The following RALGPS1 variants were observed in gnomAD, a reference collection of about 807,000 sequenced individuals.
RALGPS1 encodes the protein Ral GEF with PH domain and SH3 binding motif 1.
In RALGPS1, 19 loss-of-function variants were observed where a neutral mutation model predicts 78.8. The ratio of observed to expected loss-of-function variants is 0.24; its 90% confidence interval spans 0.17 to 0.35. The LOEUF is 0.35. Ranked by LOEUF, RALGPS1 falls within the 10% of genes least tolerant of loss-of-function variation. The probability of loss-of-function intolerance (pLI) is 1.00; values close to 1 mark genes in which losing one functional copy is unlikely to be tolerated. For missense variants in RALGPS1, 454 were observed against 688.3 expected, an observed-to-expected ratio of 0.66 and a Z score of 3.81; for synonymous variants, 228 against 256.3, an observed-to-expected ratio of 0.89 and a Z score of 1.06.
chr9:127,094,875 T>C (rs2052925931), intron 8 of RALGPS1, among the ~76,000 whole-genome samples: 1 of 152,160 alleles, frequency 6.6e-6, no homozygotes, highest in Non-Finnish European at 1.5e-5. Context: ...ATACCACTGG[T>C]CTTTTAGCCC....
At chr9:126,986,007 T>C (rs976118072) in intron 4 of RALGPS1, among the ~76,000 whole-genome samples, 1 of 152,266 alleles carries the variant, frequency 6.6e-6, no homozygotes. Context: ...TCTTGTTTTG[T>C]GGTGTAACCA....
intron 4 of RALGPS1, among the ~76,000 whole-genome samples, chr9:127,034,201 A>G (rs1353510566): frequency 6.6e-6 from 1 of 152,186 alleles, no homozygotes; most frequent in African/African-American, 2.4e-5. Context: ...ATCCTGGGAA[A>G]CATGGCCAGA....
intron 8 of RALGPS1, among the ~76,000 whole-genome samples, chr9:127,124,376 C>T (rs2056444084): frequency 2.0e-5 from 3 of 152,324 alleles, no homozygotes; most frequent in South Asian, 4.1e-4. Flanking sequence ...GCCGCAGACA[C>T]GTGAGCAAGG....
intron 11 of RALGPS1, among the ~76,000 whole-genome samples, chr9:127,187,529 GCATTA>G (rs1384515122): frequency 3.3e-5 from 5 of 152,188 alleles, no homozygotes; most frequent in African/African-American, 1.2e-4. Flanking sequence ...AGCGCTGGGC[GCATTA>G]CATTAGATTA....
chr9:126,931,398 C>T (rs2035777126), intron 1 of RALGPS1, among the ~76,000 whole-genome samples: 1 of 152,070 alleles, frequency 6.6e-6, no homozygotes, highest in Non-Finnish European at 1.5e-5. Context: ...AACAGATAAA[C>T]CAAATGTGGC....
intron 8 of RALGPS1, among the ~76,000 whole-genome samples, chr9:127,137,489 G>T (rs2057480098): frequency 6.6e-6 from 1 of 152,236 alleles, no homozygotes; most frequent in South Asian, 2.1e-4. Context: ...AGCAAGATTT[G>T]CAGGCAGCAG....
At chr9:127,108,037 C>A (rs199872129) in intron 8 of RALGPS1, 1 of 1,474,564 alleles carries the variant, frequency 6.8e-7, no homozygotes, top group Middle Eastern at 1.9e-4. Flanking sequence ...GTTGATGATG[C>A]GGTTGTAGGT....
intron 4 of RALGPS1, among the ~76,000 whole-genome samples, chr9:126,993,214 G>A (rs923600010): frequency 2.6e-5 from 4 of 152,292 alleles, no homozygotes; most frequent in African/African-American, 9.6e-5. Flanking sequence ...TTGTATTGCT[G>A]TGGTAAACCC....
intron 8 of RALGPS1, among the ~76,000 whole-genome samples, chr9:127,145,515 A>G (rs2058047167): frequency 6.6e-6 from 1 of 152,220 alleles, no homozygotes; most frequent in African/African-American, 2.4e-5. Context: ...TGACTATTGG[A>G]GGACCTAGAA....
At chr9:127,066,607 T>C (rs1273006877) in intron 7 of RALGPS1, among the ~76,000 whole-genome samples, 1 of 152,124 alleles carries the variant, frequency 6.6e-6, no homozygotes, top group Non-Finnish European at 1.5e-5. Flanking sequence ...CACCACTCCT[T>C]TCCAGTCTGG....
At chr9:127,133,432 C>T (rs2057151059) in intron 8 of RALGPS1, among the ~76,000 whole-genome samples, 1 of 152,250 alleles carries the variant, frequency 6.6e-6, no homozygotes, top group East Asian at 1.9e-4. Context: ...ACTCAGCGAG[C>T]TTGAGAGCAT....
At chr9:126,950,295 G>A (rs1260005879) in intron 1 of RALGPS1, among the ~76,000 whole-genome samples, 1 of 152,140 alleles carries the variant, frequency 6.6e-6, no homozygotes, top group Non-Finnish European at 1.5e-5. Context: ...TTGGCGATGT[G>A]GGCTCTTTTT....
chr9:127,198,551 CT>C (rs1390386047), intron 13 of RALGPS1, among the ~76,000 whole-genome samples: 1 of 152,222 alleles, frequency 6.6e-6, no homozygotes, highest in East Asian at 1.9e-4. Context: ...TGCAGGGGCT[CT>C]CCCTTGAGGC....
intron 1 of RALGPS1, among the ~76,000 whole-genome samples, chr9:126,916,597 A>G (rs1390335863): frequency 6.6e-6 from 1 of 152,180 alleles, no homozygotes; most frequent in Non-Finnish European, 1.5e-5. Context: ...CCTGGCCAAC[A>G]TGGTGAAACC....
intron 4 of RALGPS1, among the ~76,000 whole-genome samples, chr9:126,980,421 C>A (rs1433492989): frequency 6.6e-6 from 1 of 152,150 alleles, no homozygotes; most frequent in Admixed American, 6.5e-5. Context: ...AAAAAAATTA[C>A]AAATGCCTAG....
Position 126,986,714 on chromosome 9 carries a change from C to T in RALGPS1, c.216+8969C>T, listed in dbSNP as rs191503530. On this transcript the variant is annotated intron_variant, in intron 4 of 18. Coordinates refer to ENST00000259351, the MANE Select transcript of RALGPS1 (RefSeq NM_014636.3). ...TCTTAGAATGTGCTGAAAATGGGCA[C>T]AGCCTGTGCTTTATTCAGCCCAGGG... Among the ~76,000 whole-genome samples, 160 of 152,300 alleles carry T rather than the reference C, an allele frequency of 1.1e-3. 1 individual carries two copies. The highest frequency in any genetic ancestry group is 4.2e-3 in the Admixed American group (64 of 15,304).
At chr9:127,191,952 C>T (rs1310052913) in intron 11 of RALGPS1, among the ~76,000 whole-genome samples, 1 of 152,184 alleles carries the variant, frequency 6.6e-6, no homozygotes, top group Admixed American at 6.5e-5. Flanking sequence ...CCGCCTCGGC[C>T]TCTCAAAGTG....
At chr9:126,927,759 A>T (rs2035432125) in intron 1 of RALGPS1, among the ~76,000 whole-genome samples, 2 of 152,048 alleles carry the variant, frequency 1.3e-5, no homozygotes, top group Non-Finnish European at 2.9e-5. Flanking sequence ...CCCCCATCTA[A>T]CATTGTGAGG....
chr9:127,009,837 A>G (rs1399298277), intron 4 of RALGPS1, among the ~76,000 whole-genome samples: 1 of 152,164 alleles, frequency 6.6e-6, no homozygotes, highest in Admixed American at 6.5e-5. Flanking sequence ...TTGAAGGTTT[A>G]GCCCACAGCC....
Sources: gnomAD v4.1 joint callset for allele counts (sites outside exome capture counted in the v4.1 genomes callset) on GRCh38, gnomAD v4.1.1 for gene constraint, MANE v1.5 for transcripts, NCBI Gene and HGNC (gene_info 2026-07-23, HGNC 2026-07-21) for gene names.